GABRB1: variants seen among roughly 807,000 people sequenced by gnomAD.
GABRB1 encodes gamma-aminobutyric acid type A receptor subunit beta1.
A neutral mutation model predicts 51.6 loss-of-function variants in GABRB1; 17 were observed. The ratio of observed to expected loss-of-function variants is 0.33; its 90% CI spans 0.23 to 0.49. The LOEUF (loss-of-function observed/expected upper bound fraction) is 0.49. Ranked by LOEUF, GABRB1 falls within the 20% of genes least tolerant of loss-of-function variation. The probability of loss-of-function intolerance (pLI) is 0.99; values close to 1 mark genes in which losing one functional copy is unlikely to be tolerated. For missense variants in GABRB1, 410 were observed against 600.6 expected, an observed-to-expected ratio of 0.68 and a Z score of 3.32; for synonymous variants, 247 against 218.9, an observed-to-expected ratio of 1.13 and a Z score of -1.14.
At chr4:47,078,992 T>C (rs988083737) in intron 3 of GABRB1, among the ~76,000 whole-genome samples, 7 of 152,226 alleles carry the variant, frequency 4.6e-5, no homozygotes, top group South Asian at 2.1e-4. Flanking sequence ...AGCTTTTTGA[T>C]GTGCTGCTGG....
chr4:47,368,409 G>T (rs1027739026), intron 5 of GABRB1, among the ~76,000 whole-genome samples: 2 of 152,078 alleles, frequency 1.3e-5, no homozygotes, highest in African/African-American at 4.8e-5. Context: ...ATGTCTGGAG[G>T]CACTTGTGGT....
intron 4 of GABRB1, among the ~76,000 whole-genome samples, chr4:47,301,342 A>G (rs1473071221): frequency 1.3e-5 from 2 of 152,338 alleles, no homozygotes; most frequent in East Asian, 1.9e-4. Context: ...AAATGGATTA[A>G]AGATTTTAAT....
chr4:47,378,513 G>C (rs1578133903), intron 5 of GABRB1, among the ~76,000 whole-genome samples: 1 of 152,218 alleles, frequency 6.6e-6, no homozygotes, highest in South Asian at 2.1e-4. Context: ...CAGTGCAGCG[G>C]TGGGCTGAAG....
intron 3 of GABRB1, among the ~76,000 whole-genome samples, chr4:47,064,337 T>C (rs1468745904): frequency 6.6e-6 from 1 of 152,152 alleles, no homozygotes; most frequent in Non-Finnish European, 1.5e-5. Flanking sequence ...CTTATTTTTC[T>C]TCAAAGAAGT....
At chr4:47,032,298 TG>T in intron 2 of GABRB1, 118 bp from the exon 3 acceptor site, 5 of 944,356 alleles carry the variant, frequency 5.3e-6, no homozygotes, top group Non-Finnish European at 6.4e-6. Context: ...AAAGGGGTGG[TG>T]GGGGGAGCAG....
At chr4:47,186,549 A>G (rs985919944) in intron 4 of GABRB1, among the ~76,000 whole-genome samples, 4 of 151,846 alleles carry the variant, frequency 2.6e-5, no homozygotes, top group Admixed American at 6.6e-5. Flanking sequence ...TGGCCCATGC[A>G]CTTTCCAGGT....
chr4:47,037,054 G>C (rs1351092642), intron 3 of GABRB1, among the ~76,000 whole-genome samples: 1 of 152,094 alleles, frequency 6.6e-6, no homozygotes, highest in Non-Finnish European at 1.5e-5. Flanking sequence ...TGGAGATGGG[G>C]CTTGACCTAA....
Position 47,084,651 on chromosome 4 carries a change from C to T in GABRB1, c.240+52167C>T, listed in dbSNP as rs577122292. 3.3e-4 allele frequency among the ~76,000 whole-genome samples: 51 copies of T among 152,252 alleles called. 1 individual carries two copies. In the South Asian group the frequency reaches 0.01, roughly 31 times the overall value. On this transcript the variant is annotated intron_variant, in intron 3 of 8. Coordinates refer to ENST00000295454, the MANE Select transcript of GABRB1 (RefSeq NM_000812.4). Reference sequence around the variant, plus strand: ...CAGATATAATTACTTTGGGGTTTCCCTTACCTACCTGATTCTGAGCTTCCC... The same window carrying T: ...CAGATATAATTACTTTGGGGTTTCCTTTACCTACCTGATTCTGAGCTTCCC...
At chr4:47,066,661 A>G (rs1272956871) in intron 3 of GABRB1, among the ~76,000 whole-genome samples, 1 of 152,188 alleles carries the variant, frequency 6.6e-6, no homozygotes, top group Non-Finnish European at 1.5e-5. Context: ...ATGAGATTGC[A>G]ACAATTCAGT....
chr4:47,073,348 C>T (rs1008528339), intron 3 of GABRB1, among the ~76,000 whole-genome samples: 40 of 152,288 alleles, frequency 2.6e-4, no homozygotes, highest in African/African-American at 9.6e-4. Context: ...AGAAACAGTT[C>T]TTTCTTGCTT....
chr4:47,059,194 A>T (rs988339621), intron 3 of GABRB1, among the ~76,000 whole-genome samples: 8 of 152,180 alleles, frequency 5.3e-5, no homozygotes, highest in African/African-American at 1.9e-4. Flanking sequence ...TACAAATAAG[A>T]ATAACTTTCT....
chr4:47,409,597 G>A (rs530225656), intron 8 of GABRB1, among the ~76,000 whole-genome samples: 3 of 152,302 alleles, frequency 2.0e-5, no homozygotes, highest in South Asian at 4.1e-4. Flanking sequence ...ACAGTATGGG[G>A]GGCATGGTGG....
chr4:47,278,159 A>T (rs1234256674), intron 4 of GABRB1, among the ~76,000 whole-genome samples: 1 of 152,204 alleles, frequency 6.6e-6, no homozygotes, highest in East Asian at 1.9e-4. Flanking sequence ...CTATAAAATG[A>T]GAATAATAGT....
intron 5 of GABRB1, among the ~76,000 whole-genome samples, chr4:47,359,596 A>G (rs564131941): frequency 6.6e-6 from 1 of 152,248 alleles, no homozygotes; most frequent in South Asian, 2.1e-4. Flanking sequence ...TTATTACACA[A>G]ATTCATAAAT....
chr4:47,315,544 G>A (rs1724852353), intron 4 of GABRB1, among the ~76,000 whole-genome samples: 1 of 151,848 alleles, frequency 6.6e-6, no homozygotes, highest in Non-Finnish European at 1.5e-5. Context: ...ATGCCAAAAG[G>A]AATATGAGTC....
intron 3 of GABRB1, among the ~76,000 whole-genome samples, chr4:47,145,791 C>T (rs550874034): frequency 1.3e-5 from 2 of 152,030 alleles, no homozygotes; most frequent in East Asian, 1.9e-4. Context: ...GGATGAGAAT[C>T]GTTACCATAG....
chr4:47,234,981 T>A (rs1393905592), intron 4 of GABRB1, among the ~76,000 whole-genome samples: 1 of 152,226 alleles, frequency 6.6e-6, no homozygotes, highest in African/African-American at 2.4e-5. Context: ...TTTGAGATCA[T>A]CTTTTACATT....
At chr4:47,262,159 A>G (rs1722466093) in intron 4 of GABRB1, among the ~76,000 whole-genome samples, 1 of 151,602 alleles carries the variant, frequency 6.6e-6, no homozygotes, top group Non-Finnish European at 1.5e-5. Flanking sequence ...TAAAACACCA[A>G]AAGCAATGGC....
At chr4:47,219,227 T>A (rs1402523053) in intron 4 of GABRB1, among the ~76,000 whole-genome samples, 7 of 151,886 alleles carry the variant, frequency 4.6e-5, no homozygotes, top group Non-Finnish European at 8.8e-5. Context: ...TGTTCAAATC[T>A]GATGATATAT....
Sources: gnomAD v4.1 joint callset for allele counts (sites outside exome capture counted in the v4.1 genomes callset) on GRCh38, gnomAD v4.1.1 for gene constraint, MANE v1.5 for transcripts, NCBI Gene and HGNC (gene_info 2026-07-23, HGNC 2026-07-21) for gene names.